Variants in PTPN11 observed in about 807,000 individuals in gnomAD.
PTPN11 encodes tyrosine-protein phosphatase non-receptor type 11.
In PTPN11, 6 loss-of-function variants were observed where a neutral mutation model predicts 78.8. That is an observed-to-expected ratio of 0.08 (90% CI 0.04 to 0.15). The LOEUF is 0.15. PTPN11 is among the 10% of genes least tolerant of loss of function. The pLI, the probability that PTPN11 is intolerant of heterozygous loss-of-function variation, is 1.00. For missense variants in PTPN11, 386 were observed against 744.8 expected (o/e 0.52, Z 5.61); for synonymous variants, 221 against 263.5 (o/e 0.84, Z 1.56).
At chr12:112,434,658 C>A (rs929489897) in intron 1 of PTPN11, among the ~76,000 whole-genome samples, 3 of 151,602 alleles carry the variant, frequency 2.0e-5, no homozygotes, top group Non-Finnish European at 4.4e-5. Context: ...GTGAAAAAAT[C>A]AGGGTGTAAA....
intron 6 of PTPN11, among the ~76,000 whole-genome samples, chr12:112,472,640 G>A (rs2038437013): frequency 6.6e-6 from 1 of 151,670 alleles, no homozygotes; most frequent in Non-Finnish European, 1.5e-5. Context: ...CCACGTAGCT[G>A]GGATTACAGG....
In PTPN11 at chr12:112,508,721, A is replaced by T. The variant is rs1297734031; in HGVS notation, c.*2929A>T. 6.6e-6 allele frequency: 1 copy of T among 152,116 alleles called. No homozygotes were observed. Among genetic ancestry groups the T allele is most frequent in the African/African-American group, 2.4e-5 (1 of 41,438 alleles). The allele number at this position is 152,116 out of a possible 1,614,324, so 9.4% of individuals were successfully genotyped here. Reference sequence around the variant, plus strand: ...TTCACAGTCTTAATAACTTTTTTTAAAAAAAACTAAAAGGCGCTTCATGTC... The same window carrying T: ...TTCACAGTCTTAATAACTTTTTTTATAAAAAACTAAAAGGCGCTTCATGTC... On this transcript the variant is annotated 3_prime_UTR_variant, in exon 16 of 16. Coordinates refer to ENST00000351677, the MANE Select transcript of PTPN11 (RefSeq NM_002834.5).
At chr12:112,483,442 A>G (rs1307257769) in intron 10 of PTPN11, among the ~76,000 whole-genome samples, 3 of 152,160 alleles carry the variant, frequency 2.0e-5, no homozygotes, top group Non-Finnish European at 4.4e-5. Flanking sequence ...CTGCTGCCAC[A>G]TGCAGCCTCC....
chr12:112,483,710 A>T (rs1314092300), intron 10 of PTPN11, among the ~76,000 whole-genome samples: 2 of 152,046 alleles, frequency 1.3e-5, no homozygotes, highest in African/African-American at 4.8e-5. Flanking sequence ...AATAATAGGG[A>T]TTGAACTAGG....
intron 1 of PTPN11, among the ~76,000 whole-genome samples, chr12:112,442,362 A>G (rs2037906892): frequency 6.6e-6 from 1 of 152,032 alleles, no homozygotes; most frequent in Admixed American, 6.6e-5. Flanking sequence ...ATACTTAAGC[A>G]TCTCTAATCC....
intron 3 of PTPN11, among the ~76,000 whole-genome samples, chr12:112,452,645 G>A (rs1177111927): frequency 2.0e-5 from 3 of 151,834 alleles, no homozygotes; most frequent in African/African-American, 4.8e-5. Context: ...CTCCTGCCTC[G>A]GCCTTGTGTA....
intron 6 of PTPN11, among the ~76,000 whole-genome samples, chr12:112,471,579 G>C (rs1477987511): frequency 6.6e-6 from 1 of 151,114 alleles, no homozygotes; most frequent in Non-Finnish European, 1.5e-5. Context: ...AATCCTTGTT[G>C]GGTTTCATTC....
intron 1 of PTPN11, among the ~76,000 whole-genome samples, chr12:112,421,484 A>T (rs977063014): frequency 2.0e-5 from 3 of 152,124 alleles, no homozygotes; most frequent in Admixed American, 1.3e-4. Context: ...TAAAAATTTT[A>T]AAATTGTTTG....
chr12:112,472,845 C>T (rs2038440097), intron 6 of PTPN11, 99 bp from the exon 7 acceptor site: 1 of 987,706 alleles, frequency 1.0e-6, no homozygotes, highest in Admixed American at 1.8e-5. Flanking sequence ...CTGAACATTT[C>T]CTAGGATGAA....
chr12:112,453,222 A>G lies in PTPN11; in HGVS notation c.360A>G (p.Lys120=). The G allele has an allele frequency of 6.2e-7, 1 of 1,612,532 alleles. No homozygotes were observed. The highest frequency in any genetic ancestry group is 1.3e-5 in the African/African-American group (1 of 74,996). ...ERWFHGHLSG[K]EAEKLLTEKG... ...GGTTTCATGGACATCTCTCTGGGAA[A>G]GAAGCAGAGAAATTATTAACTGAAA... The change falls in exon 4 of 16, where the codon AAA becomes AAG. Residue 120 remains lysine, a synonymous_variant. Transcript: ENST00000351677.
At chr12:112,444,404 C>T (rs1358435870) in intron 1 of PTPN11, among the ~76,000 whole-genome samples, 1 of 151,530 alleles carries the variant, frequency 6.6e-6, no homozygotes, top group Non-Finnish European at 1.5e-5. Flanking sequence ...TGTAGTGGCA[C>T]GATCTTGGCT....
chr12:112,461,292 G>A (rs531397981), intron 6 of PTPN11, among the ~76,000 whole-genome samples: 154 of 150,846 alleles, frequency 1.0e-3, no homozygotes, highest in African/African-American at 3.5e-3. Context: ...TTTCATCGCC[G>A]AGGGTTGATT....
chr12:112,502,846 A>G (rs552935604), intron 14 of PTPN11, among the ~76,000 whole-genome samples: 6 of 152,358 alleles, frequency 3.9e-5, no homozygotes, highest in African/African-American at 1.2e-4. Flanking sequence ...TGGTTCTCCA[A>G]GAAGAATCTA....
At chr12:112,431,075 G>A (rs59787000) in intron 1 of PTPN11, among the ~76,000 whole-genome samples, 6,141 of 152,282 alleles carry the variant, frequency 0.04, 271 homozygotes, top group African/African-American at 0.11. Context: ...TCTTGAGTAC[G>A]TGGAGTTGGA....
chr12:112,442,856 ATATATATATATATATATATAT>A (rs1566162676), intron 1 of PTPN11, among the ~76,000 whole-genome samples: 32 of 97,830 alleles, frequency 3.3e-4, no homozygotes, highest in East Asian at 1.1e-3. Context: ...ATATATATAT[ATATATATATATATATATATAT>A]AAATTATATA....
chr12:112,497,329 C>T (rs2038826371), intron 13 of PTPN11, among the ~76,000 whole-genome samples: 2 of 152,122 alleles, frequency 1.3e-5, no homozygotes, highest in South Asian at 4.1e-4. Context: ...TTATTAGACG[C>T]TTATTCTTTT....
In PTPN11 at chr12:112,457,163, C is replaced by G. The variant is rs139335099; in HGVS notation, c.756+1100C>G. The stretch of plus-strand genomic sequence containing the variant: ...GTGGCTCACTCCTGTAATCTCAGCA[C>G]TTTGAGAGGGTGAGGCAGGTGGACC... On this transcript the variant is annotated intron_variant, in intron 6 of 15. Transcript: ENST00000351677. 82 of 323,680 alleles carry G rather than the reference C, an allele frequency of 2.5e-4. 1 individual carries two copies. In the East Asian group the frequency reaches 9.4e-3, roughly 37 times the overall value. 20.1% of individuals were successfully genotyped at this position (323,680 alleles called of 1,614,324 possible).
At chr12:112,470,972 T>A (rs184704166) in intron 6 of PTPN11, among the ~76,000 whole-genome samples, 8 of 152,264 alleles carry the variant, frequency 5.3e-5, no homozygotes, top group Non-Finnish European at 1.0e-4. Flanking sequence ...CTGCCTTAAC[T>A]CCTTAACCTG....
intron 1 of PTPN11, among the ~76,000 whole-genome samples, chr12:112,420,486 C>G: frequency 6.6e-6 from 1 of 152,188 alleles, no homozygotes; most frequent in East Asian, 1.9e-4. Context: ...ACTAGGACTA[C>G]AGGCGCACCA....
Sources: allele counts gnomAD v4.1 joint callset (sites outside exome capture counted in the v4.1 genomes callset), GRCh38; gene constraint gnomAD v4.1.1; transcripts MANE v1.5; gene names NCBI Gene and HGNC (gene_info 2026-07-23, HGNC 2026-07-21).